CUBN: variants seen among roughly 807,000 people sequenced by gnomAD.
CUBN encodes cubilin.
Under a neutral mutation model 405.3 loss-of-function variants are expected in CUBN, and 282 were observed. The observed-to-expected ratio is 0.70, with a 90% CI of 0.63 to 0.77. CUBN has a LOEUF of 0.77. Among genes scored for constraint, CUBN ranks in the 30% least tolerant of loss-of-function variants. The probability of loss-of-function intolerance (pLI) is 0.00; values close to 1 mark genes in which losing one functional copy is unlikely to be tolerated. For synonymous variants in CUBN, 1,684 were observed against 1,617.0 expected (o/e 1.04, Z -0.99); for missense variants, 4,514 against 4,475.2 (o/e 1.01, Z -0.25).
intron 54 of CUBN, among the ~76,000 whole-genome samples, chr10:16,891,714 G>GAA (rs35077748): frequency 1.1e-4 from 17 of 151,836 alleles, no homozygotes; most frequent in South Asian, 6.3e-4. Flanking sequence ...AAACTTGGGG[G>GAA]AAAAAAACCC....
intron 48 of CUBN, among the ~76,000 whole-genome samples, chr10:16,908,706 A>C (rs886338425): frequency 1.3e-5 from 2 of 151,760 alleles, no homozygotes; most frequent in Admixed American, 6.6e-5. Context: ...TTCACAGTTC[A>C]AAAAAAATCT....
chr10:16,850,499 T>TCTTGCTC (rs1327173203), intron 60 of CUBN, among the ~76,000 whole-genome samples: 2 of 152,116 alleles, frequency 1.3e-5, no homozygotes, highest in Non-Finnish European at 2.9e-5. Context: ...TGAGACGGAG[T>TCTTGCTC]CTTGCTCTGC....
chr10:17,068,190 T>C lies in CUBN; in HGVS notation c.2882A>G (p.His961Arg), dbSNP rs770685058. 6.2e-7 allele frequency: 1 copy of C among 1,613,766 alleles called. No homozygotes were observed. Among genetic ancestry groups the C allele is most frequent in the Non-Finnish European group, 8.5e-7 (1 of 1,179,692 alleles). The change falls in exon 21 of 67, where the codon CAT (histidine) becomes CGT (arginine). Residue 961 changes from histidine to arginine, a missense_variant. Around this residue, in one of 5 missense-constraint regions of CUBN, gnomAD observed 1,448 missense variants for 1,388.0 expected, o/e 1.04. Coordinates refer to ENST00000377833, the MANE Select transcript of CUBN (RefSeq NM_001081.4). ...VYPHGINCTW[H>R]ILVQPNHLIH... ...CAGGTGATTAGGTTGGACTAATATATGCCAAGTACAGTTGATACCGTGGGG... is the reference window on the plus strand; with the variant it reads ...CAGGTGATTAGGTTGGACTAATATACGCCAAGTACAGTTGATACCGTGGGG...
Position 16,913,863 on chromosome 10 carries a change from A to G in CUBN, c.7481T>C (p.Phe2494Ser). 1 of 1,614,066 alleles carries G rather than the reference A, an allele frequency of 6.2e-7. No homozygotes were observed. The highest frequency in any genetic ancestry group is 1.1e-5 in the South Asian group (1 of 91,078). Residue 2494 changes from phenylalanine to serine, a missense_variant, in exon 48 of 67, where the codon TTT (phenylalanine) becomes TCT (serine). This residue lies in a region of CUBN where 1,613 missense variants were observed against 1,542.8 expected (regional missense o/e 1.05). Coordinates refer to ENST00000377833, the MANE Select transcript of CUBN (RefSeq NM_001081.4). ...ATGCGTGGCCAGCCTCAGGTTGTTAAACATTAGGGTGATCCGCCTTCCCTC... is the reference window on the plus strand; with the variant it reads ...ATGCGTGGCCAGCCTCAGGTTGTTAGACATTAGGGTGATCCGCCTTCCCTC... Reference protein sequence around the residue: ...APEGRRITLMFNNLRLATHPS... With the variant: ...APEGRRITLMSNNLRLATHPS...
chr10:16,950,157 A>G (rs746324467), intron 33 of CUBN, 46 bp from the exon 34 acceptor site: 1 of 1,408,738 alleles, frequency 7.1e-7, no homozygotes, highest in Non-Finnish European at 9.9e-7. Context: ...CTGGCAAATA[A>G]AACATACAGG....
At chr10:17,084,564 AAG>A in intron 16 of CUBN, 103 bp from the exon 17 acceptor site, 18 of 887,280 alleles carry the variant, frequency 2.0e-5, no homozygotes, top group Non-Finnish European at 3.1e-5. Context: ...ACACACACAC[AAG>A]CACATATCCA....
intron 39 of CUBN, 119 bp from the exon 40 acceptor site, chr10:16,933,403 C>A: frequency 1.2e-6 from 1 of 864,078 alleles, no homozygotes; most frequent in Non-Finnish European, 1.9e-6. Flanking sequence ...GAAACAATTT[C>A]TCAGAGAAAT....
intron 4 of CUBN, among the ~76,000 whole-genome samples, chr10:17,124,300 T>C (rs1837116847): frequency 6.6e-6 from 1 of 152,228 alleles, no homozygotes; most frequent in African/African-American, 2.4e-5. Context: ...TGTCTACATC[T>C]ACATCTACAT....
chr10:17,024,173 A>C (rs889416971), intron 27 of CUBN, among the ~76,000 whole-genome samples: 1 of 152,162 alleles, frequency 6.6e-6, no homozygotes. Flanking sequence ...TCTAAATAGG[A>C]AGGACCCATA....
chr10:16,870,271 G>A (rs779600660), intron 58 of CUBN, among the ~76,000 whole-genome samples: 42 of 152,194 alleles, frequency 2.8e-4, no homozygotes, highest in Non-Finnish European at 5.9e-4. Flanking sequence ...AGATGAAGTA[G>A]AACTTATGGG....
chr10:17,045,761 C>A (rs1366153544), intron 24 of CUBN, among the ~76,000 whole-genome samples, 173 bp downstream of exon 24: 1 of 152,140 alleles, frequency 6.6e-6, no homozygotes, highest in Non-Finnish European at 1.5e-5. Flanking sequence ...AGAACTTTCT[C>A]CCTTTGTCTG....
At chr10:16,940,373 T>C (rs937321559) in intron 36 of CUBN, 136 bp from the exon 37 acceptor site, 6 of 845,768 alleles carry the variant, frequency 7.1e-6, no homozygotes, top group Non-Finnish European at 1.1e-5. Flanking sequence ...TATTTGGCTG[T>C]CTCAAAAAAT....
At chr10:17,046,878 T>C (rs1835147684) in intron 23 of CUBN, among the ~76,000 whole-genome samples, 1 of 152,166 alleles carries the variant, frequency 6.6e-6, no homozygotes, top group Non-Finnish European at 1.5e-5. Flanking sequence ...TAAGCTAACT[T>C]ACTTTTACTG....
chr10:17,051,127 C>A (rs972647410), intron 22 of CUBN, among the ~76,000 whole-genome samples: 5 of 151,878 alleles, frequency 3.3e-5, no homozygotes, highest in African/African-American at 1.2e-4. Flanking sequence ...TTTAGGAGGT[C>A]AAGGCAGGTG....
In CUBN at chr10:17,088,236, G is replaced by A. The variant is rs767695434; in HGVS notation, c.1875C>T (p.Asp625=). ...DCVWIVVTSP[D]LLVTFTFGTL... ...TCCCAAAAGTAAATGTTACCAGGAGGTCAGGACTAGTTACAACAATCCAGA... is the reference window on the plus strand; with the variant it reads ...TCCCAAAAGTAAATGTTACCAGGAGATCAGGACTAGTTACAACAATCCAGA... Residue 625 remains aspartate, a synonymous_variant, in exon 15 of 67, where the codon GAC becomes GAT. Coordinates refer to ENST00000377833, the MANE Select transcript of CUBN (RefSeq NM_001081.4). 1 of 1,613,724 alleles carries A rather than the reference G, an allele frequency of 6.2e-7. No individual in the cohort carries two copies. Among genetic ancestry groups the A allele is most frequent in the South Asian group, 1.1e-5 (1 of 91,056 alleles).
chr10:16,857,363 C>G (rs1588592609), intron 59 of CUBN, among the ~76,000 whole-genome samples: 3 of 152,126 alleles, frequency 2.0e-5, no homozygotes, highest in Admixed American at 2.0e-4. Context: ...GTAATTTCAG[C>G]AAGCTAATCA....
intron 28 of CUBN, among the ~76,000 whole-genome samples, chr10:17,015,063 C>A (rs554923252): frequency 6.6e-6 from 1 of 152,216 alleles, no homozygotes; most frequent in Non-Finnish European, 1.5e-5. Flanking sequence ...CTCCAATGAC[C>A]TTTTGATTAT....
intron 30 of CUBN, among the ~76,000 whole-genome samples, chr10:16,983,879 A>G (rs1258526315): frequency 6.6e-6 from 1 of 152,214 alleles, no homozygotes; most frequent in Non-Finnish European, 1.5e-5. Flanking sequence ...TGCTCTCACC[A>G]TGGACTTACA....
chr10:17,113,378 C>A lies in CUBN; in HGVS notation c.883+649G>T, dbSNP rs75738839. Among the ~76,000 whole-genome samples the A allele has an allele frequency of 4.0e-3, 614 of 152,200 alleles. 5 individuals carry two copies. The highest frequency in any genetic ancestry group is 0.013 in the African/African-American group (552 of 41,528). On this transcript the variant is annotated intron_variant, in intron 8 of 66. Transcript: ENST00000377833. ...GATGAACCTGAGGTCTGGCTAATTG[C>A]CTACCAATGCACCCAGCACAGTGCT... is the stretch of plus-strand genomic sequence containing the variant.
Sources: allele counts gnomAD v4.1 joint callset (sites outside exome capture counted in the v4.1 genomes callset), GRCh38; gene constraint gnomAD v4.1.1; regional missense constraint gnomAD v4.1.1; transcripts MANE v1.5; gene names NCBI Gene and HGNC (gene_info 2026-07-23, HGNC 2026-07-21).